The following LRRTM4 variants were observed in gnomAD, a reference collection of about 807,000 sequenced individuals.
The protein encoded by LRRTM4 is leucine rich repeat transmembrane neuronal 4.
LRRTM4 carries 25 observed loss-of-function variants against 47.6 expected under a neutral mutation model. That is an observed-to-expected ratio of 0.53 (90% CI 0.38 to 0.73). The LOEUF is 0.73. Among genes scored for constraint, LRRTM4 ranks in the 30% least tolerant of loss-of-function variants. The pLI is 0.00. For synonymous variants in LRRTM4, 311 were observed against 269.5 expected (o/e 1.15, Z -1.51); for missense variants, 638 against 713.4 (o/e 0.89, Z 1.20).
At chr2:77,388,432 A>G (rs1673371730) in intron 3 of LRRTM4, among the ~76,000 whole-genome samples, 1 of 152,156 alleles carries the variant, frequency 6.6e-6, no homozygotes, top group Admixed American at 6.6e-5. Context: ...GGAGGAAATA[A>G]ATCTGAGAGA....
chr2:77,160,901 T>C (rs1037207898), intron 3 of LRRTM4, among the ~76,000 whole-genome samples: 2 of 152,218 alleles, frequency 1.3e-5, no homozygotes, highest in African/African-American at 4.8e-5. Context: ...AGTCATTATA[T>C]GATATGTGAC....
intron 3 of LRRTM4, among the ~76,000 whole-genome samples, chr2:77,242,993 T>C (rs777838145): frequency 1.6e-4 from 25 of 152,266 alleles, no homozygotes; most frequent in East Asian, 5.8e-4. Context: ...GATAGATGAA[T>C]GGATAAACAA....
At chr2:76,906,380 T>C (rs1444954113) in intron 3 of LRRTM4, among the ~76,000 whole-genome samples, 2 of 151,984 alleles carry the variant, frequency 1.3e-5, no homozygotes, top group African/African-American at 4.8e-5. Flanking sequence ...CAGTACCAGA[T>C]GCTGCAAAGT....
intron 3 of LRRTM4, among the ~76,000 whole-genome samples, chr2:76,867,812 C>T (rs555439196): frequency 1.3e-5 from 2 of 152,112 alleles, no homozygotes; most frequent in Non-Finnish European, 2.9e-5. Flanking sequence ...CTATCAGGTA[C>T]ACCCTTTCCC....
chr2:77,193,458 C>T (rs1156763152), intron 3 of LRRTM4, among the ~76,000 whole-genome samples: 1 of 151,102 alleles, frequency 6.6e-6, no homozygotes, highest in Non-Finnish European at 1.5e-5. Context: ...ATTTAAGAAT[C>T]CATCTAGTTG....
intron 3 of LRRTM4, among the ~76,000 whole-genome samples, chr2:77,341,457 A>G (rs1278696745): frequency 6.6e-6 from 1 of 151,982 alleles, no homozygotes; most frequent in African/African-American, 2.4e-5. Flanking sequence ...TTTCCTTACC[A>G]TATCCCACAT....
At chr2:76,914,764 A>T (rs1433150477) in intron 3 of LRRTM4, among the ~76,000 whole-genome samples, 1 of 152,160 alleles carries the variant, frequency 6.6e-6, no homozygotes, top group African/African-American at 2.4e-5. Context: ...GTTTGATCAC[A>T]AGTCTTAGAT....
chr2:76,980,085 ATAAC>A (rs1193785357), intron 3 of LRRTM4, among the ~76,000 whole-genome samples: 2 of 152,066 alleles, frequency 1.3e-5, no homozygotes, highest in Admixed American at 1.3e-4. Context: ...CTATCTCTAC[ATAAC>A]TAAAATTATA....
At chr2:76,957,807 T>G (rs899575643) in intron 3 of LRRTM4, among the ~76,000 whole-genome samples, 3 of 151,654 alleles carry the variant, frequency 2.0e-5, no homozygotes, top group African/African-American at 7.3e-5. Context: ...CTCACATGGT[T>G]TTGACACGCT....
At chr2:77,075,702 T>G (rs1408386568) in intron 3 of LRRTM4, among the ~76,000 whole-genome samples, 1 of 150,628 alleles carries the variant, frequency 6.6e-6, no homozygotes, top group Non-Finnish European at 1.5e-5. Flanking sequence ...GATCACGAGG[T>G]CAGGAGATCG....
chr2:77,171,425 C>T (rs961609491), intron 3 of LRRTM4, among the ~76,000 whole-genome samples: 5 of 151,866 alleles, frequency 3.3e-5, no homozygotes, highest in East Asian at 1.9e-4. Context: ...TACAAGAGGC[C>T]GCCACCACAC....
At chr2:77,292,295 C>T (rs1184925146) in intron 3 of LRRTM4, among the ~76,000 whole-genome samples, 22 of 151,052 alleles carry the variant, frequency 1.5e-4, no homozygotes, top group Admixed American at 1.5e-3. Flanking sequence ...GTGGTGATTC[C>T]TCAGGGATCT....
At chr2:77,303,262 AAAAC>A (rs1218766853) in intron 3 of LRRTM4, among the ~76,000 whole-genome samples, 1 of 149,178 alleles carries the variant, frequency 6.7e-6, no homozygotes, top group Non-Finnish European at 1.5e-5. Flanking sequence ...ACTCCATCTC[AAAAC>A]AAACAAACAA....
At chr2:77,310,905 G>A (rs1165653964) in intron 3 of LRRTM4, among the ~76,000 whole-genome samples, 2 of 149,496 alleles carry the variant, frequency 1.3e-5, no homozygotes, top group Non-Finnish European at 2.9e-5. Flanking sequence ...GTGTGTGTGT[G>A]AGATATATTT....
At chr2:76,998,406 AATG>A (rs1487878862) in intron 3 of LRRTM4, among the ~76,000 whole-genome samples, 1 of 152,028 alleles carries the variant, frequency 6.6e-6, no homozygotes, top group Non-Finnish European at 1.5e-5. Flanking sequence ...TGGGGTTAAT[AATG>A]ATGTGTGGCC....
At chr2:77,250,462 C>T (rs1347949) in intron 3 of LRRTM4, among the ~76,000 whole-genome samples, 1 of 151,982 alleles carries the variant, frequency 6.6e-6, no homozygotes, top group Non-Finnish European at 1.5e-5. Context: ...TATAGTGAAT[C>T]TAAAACTTCT....
At chr2:76,758,110 C>G (rs1673123670) in intron 3 of LRRTM4, among the ~76,000 whole-genome samples, 2 of 152,166 alleles carry the variant, frequency 1.3e-5, no homozygotes, top group Admixed American at 1.3e-4. Flanking sequence ...TTTCTAGTGC[C>G]CTTAACTTGT....
intron 3 of LRRTM4, chr2:76,986,059 C>T (rs1343298723): frequency 2.6e-5 from 4 of 151,898 alleles, no homozygotes; most frequent in African/African-American, 9.7e-5. Flanking sequence ...TGTGCTTTGC[C>T]ATCTAGAGAT....
At position 76,940,032 on chromosome 2, in the gene LRRTM4, C is replaced by A. The variant is rs528340255; in HGVS notation, c.1552-191116G>T. 1.2e-4 allele frequency among the ~76,000 whole-genome samples: 18 copies of A among 152,228 alleles called. 1 individual carries two copies. In the South Asian group the frequency reaches 3.7e-3, roughly 32 times the overall value. ...GTAGAGAAAAAGAAATGCTTACACA[C>A]TCTTGGTGGGGGTGTAAATCAGTTC... On this transcript the variant is annotated intron_variant, in intron 3 of 3. Coordinates refer to ENST00000409884, the MANE Select transcript of LRRTM4 (RefSeq NM_001134745.3).
Sources: gnomAD v4.1 joint callset for allele counts (sites outside exome capture counted in the v4.1 genomes callset) on GRCh38, gnomAD v4.1.1 for gene constraint, MANE v1.5 for transcripts, NCBI Gene and HGNC (gene_info 2026-07-23, HGNC 2026-07-21) for gene names.